MEGF11: variants seen among roughly 807,000 people sequenced by gnomAD.
MEGF11 encodes multiple EGF like domains 11.
Under a neutral mutation model 146.6 loss-of-function variants are expected in MEGF11, and 126 were observed. That is an observed-to-expected ratio of 0.86 (90% CI 0.74 to 1.00). The LOEUF (loss-of-function observed/expected upper bound fraction) is 1.00. Ranked by LOEUF, MEGF11 falls within the 50% of genes least tolerant of loss-of-function variation. MEGF11 has a pLI of 0.00. For synonymous variants in MEGF11, 532 were observed against 583.4 expected (o/e 0.91, Z 1.27); for missense variants, 1,509 against 1,521.2 (o/e 0.99, Z 0.13).
At chr15:65,914,320 T>C (rs1730215036) in intron 19 of MEGF11, among the ~76,000 whole-genome samples, 1 of 152,182 alleles carries the variant, frequency 6.6e-6, no homozygotes, top group Non-Finnish European at 1.5e-5. Flanking sequence ...AACCAATTTA[T>C]CAAAAGGTTA....
intron 9 of MEGF11, among the ~76,000 whole-genome samples, chr15:65,960,031 T>C (rs2080801957): frequency 6.6e-6 from 1 of 152,346 alleles, no homozygotes; most frequent in African/African-American, 2.4e-5. Context: ...TTTAATGATA[T>C]AAGGTCAAGT....
chr15:66,241,018 T>A lies in MEGF11; in HGVS notation c.-9+12587A>T, dbSNP rs572589240. Among the ~76,000 whole-genome samples the A allele has an allele frequency of 3.9e-4, 59 of 152,294 alleles. 2 individuals are homozygous for A. The South Asian group carries it at 0.011, about 29-fold the overall frequency. On this transcript the variant is annotated intron_variant, in intron 1 of 25. Transcript: ENST00000395614. ...AGATGGGTATACAGACGTTGAAACA[T>A]CCATGGTGGTCCTTCCCTAACAGGA... is the stretch of plus-strand genomic sequence containing the variant.
intron 15 of MEGF11, among the ~76,000 whole-genome samples, chr15:65,919,563 C>T (rs947606538): frequency 3.9e-5 from 6 of 152,236 alleles, no homozygotes; most frequent in East Asian, 3.9e-4. Context: ...GACACAGACA[C>T]GAAGTGTACA....
chr15:66,140,137 C>A (rs2089077817), intron 1 of MEGF11, among the ~76,000 whole-genome samples: 1 of 152,126 alleles, frequency 6.6e-6, no homozygotes, highest in Non-Finnish European at 1.5e-5. Flanking sequence ...AGCTTAATTT[C>A]CCTCCCTTCA....
At chr15:65,899,598 G>A (rs1313331231) in intron 24 of MEGF11, among the ~76,000 whole-genome samples, 1 of 152,218 alleles carries the variant, frequency 6.6e-6, no homozygotes, top group Admixed American at 6.5e-5. Flanking sequence ...CAGCCTATAA[G>A]TGGCAGACTC....
At chr15:66,045,200 T>C (rs1396454859) in intron 5 of MEGF11, among the ~76,000 whole-genome samples, 2 of 152,320 alleles carry the variant, frequency 1.3e-5, no homozygotes, top group Non-Finnish European at 2.9e-5. Context: ...TCCAGGCATT[T>C]CTGTTTTGTA....
At chr15:66,123,672 C>T (rs545781644) in intron 3 of MEGF11, among the ~76,000 whole-genome samples, 20 of 152,308 alleles carry the variant, frequency 1.3e-4, no homozygotes, top group African/African-American at 4.8e-4. Flanking sequence ...ATCTCCCCAT[C>T]CCTGGTTGAG....
At chr15:66,054,072 G>A (rs2084575239) in intron 5 of MEGF11, among the ~76,000 whole-genome samples, 1 of 152,046 alleles carries the variant, frequency 6.6e-6, no homozygotes, top group Non-Finnish European at 1.5e-5. Context: ...TCTTTTGCCA[G>A]TTCTCCCCTC....
chr15:66,250,979 A>C (rs1462902314), intron 1 of MEGF11, among the ~76,000 whole-genome samples: 1 of 152,132 alleles, frequency 6.6e-6, no homozygotes, highest in African/African-American at 2.4e-5. Flanking sequence ...AATGATGAGA[A>C]AGGAGAAAAG....
chr15:65,900,594 G>T (rs866142058), intron 24 of MEGF11, among the ~76,000 whole-genome samples: 2 of 152,128 alleles, frequency 1.3e-5, no homozygotes, highest in South Asian at 4.1e-4. Flanking sequence ...ACACTCTGTG[G>T]TATAGGTAGA....
intron 25 of MEGF11, 97 bp downstream of exon 25, chr15:65,898,631 G>T: frequency 6.5e-7 from 1 of 1,548,556 alleles, no homozygotes; most frequent in Admixed American, 1.9e-5. Context: ...AAAGAAGGAT[G>T]TGTGGTCAAG....
At chr15:65,994,915 C>T (rs1367310918) in intron 5 of MEGF11, among the ~76,000 whole-genome samples, 1 of 152,238 alleles carries the variant, frequency 6.6e-6, no homozygotes, top group Non-Finnish European at 1.5e-5. Context: ...CTACTAAGAA[C>T]TGATTGGATG....
intron 5 of MEGF11, among the ~76,000 whole-genome samples, chr15:65,985,581 T>G (rs775038523): frequency 6.6e-6 from 1 of 152,166 alleles, no homozygotes; most frequent in Admixed American, 6.5e-5. Context: ...CAACCTCTGT[T>G]CTTTCTGGCA....
intron 5 of MEGF11, among the ~76,000 whole-genome samples, chr15:66,083,262 G>A (rs2085973312): frequency 6.6e-6 from 1 of 152,152 alleles, no homozygotes. Context: ...TTCAATAAAT[G>A]CCAATTGTAC....
chr15:65,899,855 G>A (rs541337984), intron 24 of MEGF11, among the ~76,000 whole-genome samples: 1 of 152,268 alleles, frequency 6.6e-6, no homozygotes, highest in African/African-American at 2.4e-5. Flanking sequence ...TTGTATAGTT[G>A]TACCATCCCC....
At chr15:65,914,796 G>C (rs1336604679) in intron 19 of MEGF11, among the ~76,000 whole-genome samples, 1 of 152,196 alleles carries the variant, frequency 6.6e-6, no homozygotes, top group Non-Finnish European at 1.5e-5. Context: ...GAATAATTGA[G>C]AGCCCATTTT....
intron 10 of MEGF11, among the ~76,000 whole-genome samples, chr15:65,949,227 G>A (rs998903508): frequency 3.3e-5 from 5 of 152,308 alleles, no homozygotes; most frequent in South Asian, 4.2e-4. Context: ...GGGGGAGGCC[G>A]GGGGAGCGTA....
intron 2 of MEGF11, among the ~76,000 whole-genome samples, chr15:66,127,565 A>G (rs2088421177): frequency 6.6e-6 from 1 of 152,142 alleles, no homozygotes; most frequent in Non-Finnish European, 1.5e-5. Context: ...CATTTGATTT[A>G]TTAACATGTA....
intron 10 of MEGF11, among the ~76,000 whole-genome samples, chr15:65,931,292 T>A (rs1259975381): frequency 6.6e-6 from 1 of 152,166 alleles, no homozygotes; most frequent in Non-Finnish European, 1.5e-5. Context: ...AGCTGAGGAA[T>A]GCAGTGGCCT....
Sources: gnomAD v4.1 joint callset for allele counts (sites outside exome capture counted in the v4.1 genomes callset) on GRCh38, gnomAD v4.1.1 for gene constraint, MANE v1.5 for transcripts, NCBI Gene and HGNC (gene_info 2026-07-23, HGNC 2026-07-21) for gene names.